Variants in GTF2A1L observed in about 807,000 individuals in gnomAD.
GTF2A1L encodes the protein TFIIA-alpha and beta-like factor.
In GTF2A1L, 48 loss-of-function variants were observed where a neutral mutation model predicts 49.7. That is an observed-to-expected ratio of 0.97 (90% CI 0.77 to 1.23). The LOEUF (loss-of-function observed/expected upper bound fraction) is 1.23. Ranked by LOEUF, GTF2A1L falls within the 50% of genes most tolerant of loss-of-function variation. The probability of loss-of-function intolerance (pLI) is 0.00; values close to 1 mark genes in which losing one functional copy is unlikely to be tolerated. For synonymous variants in GTF2A1L, 246 were observed against 193.5 expected, an observed-to-expected ratio of 1.27 and a Z score of -2.25; for missense variants, 736 against 564.8, an observed-to-expected ratio of 1.30 and a Z score of -3.07.
intron 7 of GTF2A1L, 148 bp from the exon 8 acceptor site, chr2:48,671,443 A>G (rs1679160728): frequency 1.7e-5 from 11 of 657,338 alleles, no homozygotes; most frequent in Middle Eastern, 4.3e-4. Flanking sequence ...GCCTCAAGCA[A>G]TCTGCCTGCC....
In GTF2A1L at chr2:48,623,705, A is replaced by G. The variant is rs933360152; in HGVS notation, c.247+2415A>G. Among the ~76,000 whole-genome samples the G allele has an allele frequency of 5.9e-5, 9 of 152,372 alleles. No homozygotes were observed. The Middle Eastern group carries it at 0.02, about 346-fold the overall frequency. On this transcript the variant is annotated intron_variant, in intron 3 of 8. Transcript: ENST00000403751. ...ATTGGATAAAGAAAATGTGGTACATATATACCATGGAATACTATGCAACCT... is the reference window on the plus strand; with the variant it reads ...ATTGGATAAAGAAAATGTGGTACATGTATACCATGGAATACTATGCAACCT...
intron 3 of GTF2A1L, among the ~76,000 whole-genome samples, chr2:48,636,679 G>C (rs958387564): frequency 1.3e-5 from 2 of 152,128 alleles, no homozygotes; most frequent in African/African-American, 4.8e-5. Context: ...TAGCCTCAGT[G>C]GTTTGTATAT....
At position 48,669,793 on chromosome 2, in the gene GTF2A1L, T is replaced by TG; in HGVS notation, c.1052dup (p.Ser352LysfsTer3). 1 of 1,614,080 alleles carries TG rather than the reference T, an allele frequency of 6.2e-7. No individual in the cohort carries two copies. Among genetic ancestry groups the TG allele is most frequent in the Non-Finnish European group, 8.5e-7 (1 of 1,179,992 alleles). ...ATATTGGTGAAATAATTCAAGTAGATGGAAGCGGTGATACATCTTCCAATG... is the reference window on the plus strand; with the variant it reads ...ATATTGGTGAAATAATTCAAGTAGATGGGAAGCGGTGATACATCTTCCAATG... On this transcript the variant is annotated frameshift_variant, in exon 7 of 9. Transcript: ENST00000403751. LOFTEE classifies it high-confidence loss of function.
At chr2:48,650,120 G>C (rs990308016) in intron 6 of GTF2A1L, among the ~76,000 whole-genome samples, 3 of 152,076 alleles carry the variant, frequency 2.0e-5, no homozygotes, top group African/African-American at 7.2e-5. Flanking sequence ...TCATAATGTA[G>C]TTCAAAGATA....
intron 3 of GTF2A1L, among the ~76,000 whole-genome samples, chr2:48,630,424 G>A (rs980298273): frequency 2.8e-5 from 4 of 143,936 alleles, no homozygotes; most frequent in Admixed American, 1.4e-4. Flanking sequence ...CAGCTTGAAC[G>A]TTGTTGGTGT....
intron 6 of GTF2A1L, among the ~76,000 whole-genome samples, chr2:48,662,959 G>A (rs6756659): frequency 0.05 from 7,554 of 151,998 alleles, 625 homozygotes; most frequent in African/African-American, 0.17. Flanking sequence ...TACCTGCTGA[G>A]TACTATGCTT....
intron 3 of GTF2A1L, among the ~76,000 whole-genome samples, chr2:48,624,765 T>G (rs1010086728): frequency 3.4e-3 from 6 of 1,776 alleles, no homozygotes; most frequent in East Asian, 0.5. Flanking sequence ...ATTTGTGGTT[T>G]TTTTTTTTTA....
At chr2:48,661,247 CTTTTTTTTTTTTTTTTT>C (rs70946820) in intron 6 of GTF2A1L, among the ~76,000 whole-genome samples, 1 of 62,750 alleles carries the variant, frequency 1.6e-5, no homozygotes, top group Non-Finnish European at 2.6e-5. Flanking sequence ...CATCCCCAAA[CTTTTTTTTTTTTTTTTT>C]TTTTTTTTTT....
At chr2:48,627,790 T>G (rs1676365641) in intron 3 of GTF2A1L, among the ~76,000 whole-genome samples, 1 of 143,214 alleles carries the variant, frequency 7.0e-6, no homozygotes, top group Admixed American at 7.1e-5. Context: ...ATTGCATGAT[T>G]CTGAGGTTTG....
At position 48,656,348 on chromosome 2, in the gene GTF2A1L, GTTTTTTTTT is replaced by G. The variant is rs367837291; in HGVS notation, c.978+9327_978+9335del. ...ATATCCCCACCAACGCTTATTTTCT[GTTTTTTTTT>G]TTTTTTTTTTTTTTTTTTTTAATAA... On this transcript the variant is annotated intron_variant, in intron 6 of 8. Coordinates refer to ENST00000403751, the MANE Select transcript of GTF2A1L (RefSeq NM_006872.5). Among the ~76,000 whole-genome samples the G allele has an allele frequency of 6.6e-4, 76 of 114,542 alleles. 1 individual carries two copies. The highest frequency in any genetic ancestry group is 2.3e-3 in the African/African-American group (66 of 28,718). 75.1% of individuals were successfully genotyped at this position (114,542 alleles called of 152,430 possible).
chr2:48,642,104 A>G (rs1677228837), intron 3 of GTF2A1L, among the ~76,000 whole-genome samples: 1 of 152,222 alleles, frequency 6.6e-6, no homozygotes, highest in South Asian at 2.1e-4. Context: ...AATAAATATT[A>G]CTTGACTTAA....
rs140985256 is a variant in GTF2A1L at position 48,671,638 on chromosome 2, C to G, written c.1287C>G (p.Asp429Glu). The G allele has an allele frequency of 7.4e-6, 12 of 1,613,640 alleles. No individual in the cohort carries two copies. Among genetic ancestry groups the G allele is most frequent in the Non-Finnish European group, 1.0e-5 (12 of 1,179,692 alleles). ...GDDVSEQDVP[D>E]LFDTDNVIVC... is the part of the protein sequence containing the mutation. ...ATGTTAGTGAACAGGATGTGCCAGA[C>G]CTGTTTGACACGGATAATGTTATTG... The change falls in exon 8 of 9, where the codon GAC (aspartate) becomes GAG (glutamate). Residue 429 changes from aspartate (D) to glutamate (E), a missense_variant. Transcript: ENST00000403751.
At chr2:48,660,560 T>G (rs549627529) in intron 6 of GTF2A1L, among the ~76,000 whole-genome samples, 6 of 152,168 alleles carry the variant, frequency 3.9e-5, no homozygotes, top group African/African-American at 1.4e-4. Flanking sequence ...TGTTGTGGTG[T>G]AAGTGTTCAT....
chr2:48,666,236 CG>C (rs1678833316), intron 6 of GTF2A1L, among the ~76,000 whole-genome samples: 1 of 150,064 alleles, frequency 6.7e-6, no homozygotes, highest in Non-Finnish European at 1.5e-5. Flanking sequence ...GATGGTGTCT[CG>C]CTCTGTCACC....
intron 6 of GTF2A1L, among the ~76,000 whole-genome samples, chr2:48,651,656 A>G (rs1265917418): frequency 1.3e-5 from 2 of 152,190 alleles, no homozygotes; most frequent in East Asian, 1.9e-4. Context: ...ATCTGCTGAC[A>G]TAAAACTCAA....
intron 5 of GTF2A1L, among the ~76,000 whole-genome samples, chr2:48,645,708 G>C (rs965043726): frequency 2.0e-5 from 3 of 152,166 alleles, no homozygotes; most frequent in Admixed American, 6.5e-5. Context: ...TAGTGCAGTG[G>C]CGCAATCTCT....
chr2:48,645,230 T>A (rs1677429339), intron 5 of GTF2A1L, 113 bp downstream of exon 5: 3 of 970,416 alleles, frequency 3.1e-6, no homozygotes, highest in Admixed American at 6.4e-5. Context: ...GAACTTTTAA[T>A]AAAATTGATT....
In GTF2A1L at chr2:48,645,025, A is replaced by G. The variant is rs1418659957; in HGVS notation, c.304-8A>G. 3.2e-6 allele frequency: 5 copies of G among 1,586,828 alleles called. No homozygotes were observed. Among genetic ancestry groups the G allele is most frequent in the Non-Finnish European group, 4.3e-6 (5 of 1,172,920 alleles). ...TCTAACTTTCTAATATAAATTTCTT[A>G]TATCTAGGGCACTTCAAACTCCAGT... On this transcript the variant is annotated splice_polypyrimidine_tract_variant and splice_region_variant and intron_variant, in intron 4 of 8. Coordinates refer to ENST00000403751, the MANE Select transcript of GTF2A1L (RefSeq NM_006872.5).
rs777055670 is a variant in GTF2A1L, at chr2:48,669,941, A to C, written c.1198A>C (p.Ser400Arg). The change falls in exon 7 of 9, where the codon AGT becomes CGT. Residue 400 changes from serine (S) to arginine (R), a missense_variant. Ser to Arg is a moderately radical substitution (Grantham distance 110). Transcript: ENST00000403751. ...TTCAAATGAGGATTCAGCCACAAAC[A>C]GTAGTGATAATGAAGACCCTCAAGT... ...SISNEDSATN[S>R]SDNEDPQVNI... The C allele has an allele frequency of 2.5e-6, 4 of 1,613,970 alleles. No homozygotes were observed. The highest frequency in any genetic ancestry group is 3.4e-6 in the Non-Finnish European group (4 of 1,180,018).
Sources: gnomAD v4.1 joint callset for allele counts (sites outside exome capture counted in the v4.1 genomes callset) on GRCh38, gnomAD v4.1.1 for gene constraint, MANE v1.5 for transcripts, NCBI Gene and HGNC (gene_info 2026-07-23, HGNC 2026-07-21) for gene names.